The following ERC1 variants were observed in gnomAD, a reference collection of about 807,000 sequenced individuals.
The protein encoded by ERC1 is RAB6 interacting protein 2.
A neutral mutation model predicts 132.0 loss-of-function variants in ERC1; 56 were observed. The ratio of observed to expected loss-of-function variants is 0.42; its 90% CI spans 0.34 to 0.53. The LOEUF is 0.53. ERC1 is among the 20% of genes least tolerant of loss of function. The probability of loss-of-function intolerance (pLI) is 0.03; values close to 1 mark genes in which losing one functional copy is unlikely to be tolerated. For synonymous variants in ERC1, 478 were observed against 476.1 expected (o/e 1.00, Z -0.05); for missense variants, 1,202 against 1,349.9 (o/e 0.89, Z 1.72).
chr12:1,354,301 A>G lies in ERC1; in HGVS notation c.2781-17532A>G, dbSNP rs544736838. ...CACTTTGGGAGGCCGAGGTGGGCCA[A>G]TCACTTGAGGTCAGGAGTTCGAGAC... On this transcript the variant is annotated intron_variant, in intron 15 of 18. Transcript: ENST00000360905. Among the ~76,000 whole-genome samples the G allele has an allele frequency of 9.5e-4, 144 of 152,160 alleles. 1 individual carries two copies. The highest frequency in any genetic ancestry group is 3.1e-3 in the African/African-American group (128 of 41,508).
chr12:1,379,396 C>G (rs1473143256), intron 16 of ERC1, among the ~76,000 whole-genome samples: 2 of 152,150 alleles, frequency 1.3e-5, no homozygotes, highest in Non-Finnish European at 2.9e-5. Context: ...CTCCTAAAAG[C>G]CCCTATTTCA....
rs576995934 is a variant in ERC1 at position 1,401,086 on chromosome 12, C to G, written c.2926-7063C>G. Among the ~76,000 whole-genome samples the G allele has an allele frequency of 4.6e-5, 7 of 151,612 alleles. No individual in the cohort carries two copies. In the East Asian group the frequency reaches 1.2e-3, roughly 25 times the overall value. On this transcript the variant is annotated intron_variant, in intron 16 of 18. Transcript: ENST00000360905. ...GAGTAGCTGGGACTACAGACGCCCACCGCTGCGCCCGGCTAATTTTTTGTA... is the reference window on the plus strand; with the variant it reads ...GAGTAGCTGGGACTACAGACGCCCAGCGCTGCGCCCGGCTAATTTTTTGTA...
intron 17 of ERC1, among the ~76,000 whole-genome samples, chr12:1,438,361 T>C (rs1167767853): frequency 6.6e-6 from 1 of 152,256 alleles, no homozygotes; most frequent in East Asian, 1.9e-4. Flanking sequence ...AAGATGATAA[T>C]ATTTATGGAA....
At chr12:1,124,622 C>G (rs576686447) in intron 7 of ERC1, among the ~76,000 whole-genome samples, 1 of 150,634 alleles carries the variant, frequency 6.6e-6, no homozygotes, top group South Asian at 2.1e-4. Flanking sequence ...AACAGTTAAT[C>G]CAAAAACAAT....
chr12:995,703 T>C (rs1960694373), intron 1 of ERC1, among the ~76,000 whole-genome samples: 2 of 152,208 alleles, frequency 1.3e-5, no homozygotes, highest in Admixed American at 1.3e-4. Context: ...CACTTATTCA[T>C]TCATAAGTTA....
intron 1 of ERC1, among the ~76,000 whole-genome samples, chr12:1,013,101 G>A (rs960529231): frequency 6.6e-6 from 1 of 152,156 alleles, no homozygotes; most frequent in African/African-American, 2.4e-5. Flanking sequence ...TGATCACGAT[G>A]TAGTATGAGA....
intron 8 of ERC1, among the ~76,000 whole-genome samples, chr12:1,149,564 A>AT (rs1276907194): frequency 6.6e-6 from 1 of 151,758 alleles, no homozygotes; most frequent in Non-Finnish European, 1.5e-5. Flanking sequence ...TGCCCAGCTA[A>AT]TTTTTTGTAT....
At chr12:1,438,954 A>AAAAAAAAAATATATATATATAT (rs1015181197) in intron 17 of ERC1, among the ~76,000 whole-genome samples, 22 of 143,572 alleles carry the variant, frequency 1.5e-4, no homozygotes, top group African/African-American at 5.5e-4. Flanking sequence ...TTTAAAAAAA[A>AAAAAAAAAATATATATATATAT]ATATATATAT....
chr12:1,444,869 A>G (rs1264682068), intron 18 of ERC1, 119 bp downstream of exon 18: 1 of 799,530 alleles, frequency 1.3e-6, no homozygotes, highest in African/African-American at 1.8e-5. Flanking sequence ...AGTGGGGGCT[A>G]CCTTGGGGAA....
At chr12:1,405,128 A>G (rs2091373172) in intron 16 of ERC1, among the ~76,000 whole-genome samples, 1 of 150,144 alleles carries the variant, frequency 6.7e-6, no homozygotes, top group Admixed American at 6.6e-5. Context: ...CAAGAGAACG[A>G]GACTCCGGCT....
chr12:1,290,305 G>A (rs753099344), intron 15 of ERC1, among the ~76,000 whole-genome samples: 3 of 152,186 alleles, frequency 2.0e-5, no homozygotes, highest in Non-Finnish European at 4.4e-5. Context: ...GCAAAATGGC[G>A]AGCTTACTGG....
chr12:1,483,825 G>A (rs1219914119), intron 18 of ERC1, among the ~76,000 whole-genome samples: 1 of 151,538 alleles, frequency 6.6e-6, no homozygotes, highest in Non-Finnish European at 1.5e-5. Context: ...GAGTACCTGG[G>A]AACTACAGGC....
At chr12:1,340,990 A>C (rs1164865316) in intron 15 of ERC1, among the ~76,000 whole-genome samples, 10 of 151,068 alleles carry the variant, frequency 6.6e-5, no homozygotes, top group Admixed American at 6.6e-4. Flanking sequence ...CTTCCAAAGG[A>C]ATAAATACAG....
intron 13 of ERC1, among the ~76,000 whole-genome samples, chr12:1,249,709 C>T (rs537461527): frequency 6.6e-5 from 10 of 152,096 alleles, no homozygotes; most frequent in South Asian, 4.1e-4. Context: ...GCTGCTATAG[C>T]GAAATACTGT....
intron 8 of ERC1, among the ~76,000 whole-genome samples, chr12:1,176,177 A>C (rs2154268201): frequency 1.3e-5 from 2 of 152,344 alleles, no homozygotes; most frequent in Middle Eastern, 3.4e-3. Context: ...TAGAAATCAA[A>C]ATGACTCCTT....
In ERC1 at chr12:1,190,879, C is replaced by A. The variant is rs182025271; in HGVS notation, c.2351+827C>A. 1.9e-4 allele frequency among the ~76,000 whole-genome samples: 26 copies of A among 137,458 alleles called. 1 individual carries two copies. The East Asian group carries it at 4.5e-3, about 24-fold the overall frequency. 90.2% of individuals were successfully genotyped at this position (137,458 alleles called of 152,430 possible). ...TCTACTTGGCCTTTTGAGGACTGAT[C>A]CTTAAGAATAATTTTTTTTTTTTTA... On this transcript the variant is annotated intron_variant, in intron 12 of 18. Coordinates refer to ENST00000360905, the MANE Select transcript of ERC1 (RefSeq NM_178040.4).
At chr12:1,464,608 C>T (rs1334434879) in intron 18 of ERC1, among the ~76,000 whole-genome samples, 1 of 149,362 alleles carries the variant, frequency 6.7e-6, no homozygotes, top group Non-Finnish European at 1.5e-5. Flanking sequence ...CAACCTCCCC[C>T]TCCCGAGTTC....
intron 7 of ERC1, among the ~76,000 whole-genome samples, chr12:1,126,728 G>A (rs1300710316): frequency 3.9e-5 from 6 of 152,054 alleles, no homozygotes; most frequent in Admixed American, 6.6e-5. Flanking sequence ...GGTGGCTCAC[G>A]CCTGTAATCC....
intron 15 of ERC1, among the ~76,000 whole-genome samples, chr12:1,327,505 G>A (rs1344624165): frequency 6.6e-6 from 1 of 152,132 alleles, no homozygotes; most frequent in Non-Finnish European, 1.5e-5. Context: ...GGTTGTTTCA[G>A]TACTTTCCTT....
Sources: gnomAD v4.1 joint callset for allele counts (sites outside exome capture counted in the v4.1 genomes callset) on GRCh38, gnomAD v4.1.1 for gene constraint, MANE v1.5 for transcripts, NCBI Gene and HGNC (gene_info 2026-07-23, HGNC 2026-07-21) for gene names.